The following DOCK11 variants were observed in gnomAD, a reference collection of about 807,000 sequenced individuals.
The protein encoded by DOCK11 is dedicator of cytokinesis protein 11.
A neutral mutation model predicts 169.1 loss-of-function variants in DOCK11; 70 were observed. The ratio of observed to expected loss-of-function variants is 0.41; its 90% CI spans 0.34 to 0.51. The LOEUF is 0.51. Among genes scored for constraint, DOCK11 ranks in the 20% least tolerant of loss-of-function variants. The probability of loss-of-function intolerance (pLI) is 0.10; values close to 1 mark genes in which losing one functional copy is unlikely to be tolerated. For missense variants in DOCK11, 1,166 were observed against 1,538.8 expected (o/e 0.76, Z 4.05); for synonymous variants, 529 against 541.3 (o/e 0.98, Z 0.32).
At chrX:118,674,064 A>G (rs921275476) in intron 46 of DOCK11, among the ~76,000 whole-genome samples, 4 of 111,836 alleles carry the variant, frequency 3.6e-5, no homozygotes, top group African/African-American at 1.3e-4. Context: ...AAAATCTCAA[A>G]CACTTCTGGT....
chrX:118,517,121 C>G (rs1488359824), intron 1 of DOCK11, among the ~76,000 whole-genome samples: 1 of 111,614 alleles, frequency 9.0e-6, no homozygotes, highest in Non-Finnish European at 1.9e-5. Context: ...CACACTGGCT[C>G]ACACCTGTAA....
At chrX:118,617,099 G>A (rs2014835956) in intron 30 of DOCK11, among the ~76,000 whole-genome samples, 3 of 111,792 alleles carry the variant, frequency 2.7e-5, no homozygotes, top group South Asian at 3.7e-4. Context: ...TGCTGAACAG[G>A]CCAAAAGAAA....
chrX:118,541,777 T>TTTC (rs1207281920), intron 1 of DOCK11, among the ~76,000 whole-genome samples: 1 of 112,238 alleles, frequency 8.9e-6, no homozygotes, highest in Non-Finnish European at 1.9e-5. Flanking sequence ...ACATCCTGGC[T>TTTC]TTCTTAGCAT....
chrX:118,677,033 T>C (rs2016627908), intron 48 of DOCK11, among the ~76,000 whole-genome samples: 1 of 111,700 alleles, frequency 9.0e-6, no homozygotes. Context: ...TTGTATGGAT[T>C]AAATGAGTTA....
chrX:118,600,466 T>C (rs1418150742), intron 23 of DOCK11, among the ~76,000 whole-genome samples: 1 of 109,732 alleles, frequency 9.1e-6, no homozygotes, highest in Non-Finnish European at 1.9e-5. Context: ...ATAGTAATCG[T>C]TCATGCCACA....
chrX:118,614,499 C>G (rs2014760653), intron 28 of DOCK11, among the ~76,000 whole-genome samples, 193 bp from the exon 29 acceptor site: 1 of 111,387 alleles, frequency 9.0e-6, no homozygotes, highest in African/African-American at 3.3e-5. Flanking sequence ...CCCTTCAGTC[C>G]CAATTCCAGT....
intron 1 of DOCK11, among the ~76,000 whole-genome samples, chrX:118,504,305 C>G (rs1327038072): frequency 1.8e-5 from 2 of 111,755 alleles, no homozygotes; most frequent in Non-Finnish European, 3.8e-5. Flanking sequence ...CACCCCCAAC[C>G]GGCTTTTTAT....
rs1219359959 is a variant in DOCK11 at position 118,584,790 on chromosome X, C to T, written c.1651C>T (p.Leu551=). 8.3e-7 allele frequency: 1 copy of T among 1,199,106 alleles called. No individual in the cohort carries two copies. The highest frequency in any genetic ancestry group is 1.7e-5 in the African/African-American group (1 of 57,511). The change falls in exon 15 of 53, where the codon CTG becomes TTG. Residue 551 remains leucine (L), a synonymous_variant. Transcript: ENST00000276202. The stretch of plus-strand genomic sequence containing the variant: ...TGATCTGGATGGGAGATTTTCTCCT[C>T]TGTATAAACAAGACAGTAGCAAGCT... ...SLDLDGRFSP[L]YKQDSSKLSS... is the part of the protein sequence containing the mutation.
chrX:118,528,233 A>G, intron 1 of DOCK11, among the ~76,000 whole-genome samples: 1 of 112,317 alleles, frequency 8.9e-6, no homozygotes, highest in Non-Finnish European at 1.9e-5. Context: ...CAGGGCTTGT[A>G]TCTATGTGAA....
chrX:118,546,778 G>A (rs1357761071), intron 6 of DOCK11, among the ~76,000 whole-genome samples: 1 of 110,850 alleles, frequency 9.0e-6, no homozygotes, highest in African/African-American at 3.3e-5. Context: ...TTGCTTGAGG[G>A]CAGGAGTTCG....
Position 118,566,804 on chromosome X carries a change from T to C in DOCK11, c.951+151T>C, listed in dbSNP as rs1330989795. The C allele has an allele frequency of 6.1e-6, 3 of 491,913 alleles. No homozygotes were observed. The East Asian group carries it at 1.2e-4, about 20-fold the overall frequency. 40.5% of individuals were successfully genotyped at this position (491,913 alleles called of 1,213,427 possible). A position where few individuals can be genotyped will look rare whatever the true frequency, so the allele number is the denominator to read the frequency against. Reference sequence around the variant, plus strand: ...CAGGTAGAGATTGTAAAAGAAAAGTTGCACTCCTGAAGACTAACTTGTAAG... The same window carrying C: ...CAGGTAGAGATTGTAAAAGAAAAGTCGCACTCCTGAAGACTAACTTGTAAG... On this transcript the variant is annotated intron_variant, in intron 9 of 52. Coordinates refer to ENST00000276202, the MANE Select transcript of DOCK11 (RefSeq NM_144658.4).
Position 118,592,602 on chromosome X carries a change from TG to T in DOCK11, c.2140-609del, listed in dbSNP as rs1004010274. ...CCAGGAGGCATTACAAACATTCGGT[TG>T]GGATCTGATTAGAAAATTACTTGTG... is the stretch of plus-strand genomic sequence containing the variant. On this transcript the variant is annotated intron_variant, in intron 19 of 52. Coordinates refer to ENST00000276202, the MANE Select transcript of DOCK11 (RefSeq NM_144658.4). Among the ~76,000 whole-genome samples, 3 of 112,205 alleles carry T rather than the reference TG, an allele frequency of 2.7e-5. No homozygotes were observed. The Admixed American group carries it at 2.8e-4, about 11-fold the overall frequency.
At chrX:118,672,198 A>G (rs901523780) in intron 46 of DOCK11, among the ~76,000 whole-genome samples, 6 of 112,132 alleles carry the variant, frequency 5.4e-5, no homozygotes, top group African/African-American at 1.9e-4. Flanking sequence ...TACCCCTATT[A>G]TGAGAATTTT....
intron 1 of DOCK11, among the ~76,000 whole-genome samples, chrX:118,532,006 G>A (rs1296282529): frequency 2.7e-5 from 3 of 110,980 alleles, no homozygotes; most frequent in Admixed American, 9.6e-5. Context: ...CTTTTAAATG[G>A]TATCTCTGGT....
chrX:118,657,335 G>C (rs1284376801), intron 44 of DOCK11, among the ~76,000 whole-genome samples: 1 of 111,033 alleles, frequency 9.0e-6, no homozygotes, highest in East Asian at 2.8e-4. Context: ...TGTTTTGAAT[G>C]TTAAAAAAAA....
Position 118,676,756 on chromosome X carries a change from G to A in DOCK11, c.5460+19G>A, listed in dbSNP as rs1445698035. 8.5e-7 allele frequency: 1 copy of A among 1,173,126 alleles called. No homozygotes were observed. ...AGACAAGGTAACACATACCCTACAT[G>A]TTGAAATCATTATTTGTTAGTTCCA... On this transcript the variant is annotated intron_variant, in intron 48 of 52. Transcript: ENST00000276202.
intron 1 of DOCK11, among the ~76,000 whole-genome samples, chrX:118,532,401 C>T (rs935573485): frequency 2.7e-5 from 3 of 110,965 alleles, no homozygotes; most frequent in South Asian, 3.8e-4. Context: ...GCCAATAGAA[C>T]GGTAAAATTC....
chrX:118,606,127 G>A (rs1603111301), intron 24 of DOCK11, among the ~76,000 whole-genome samples: 1 of 74,459 alleles, frequency 1.3e-5, no homozygotes, highest in Non-Finnish European at 2.4e-5. Context: ...CGCTCTTGTT[G>A]CCCCTGCTGG....
intron 1 of DOCK11, among the ~76,000 whole-genome samples, chrX:118,499,714 TGG>T (rs996209782): frequency 3.6e-5 from 4 of 112,136 alleles, no homozygotes; most frequent in African/African-American, 1.3e-4. Context: ...AGTTTCAACT[TGG>T]GCTTCTTGAC....
Sources: allele counts gnomAD v4.1 joint callset (sites outside exome capture counted in the v4.1 genomes callset), GRCh38; gene constraint gnomAD v4.1.1; transcripts MANE v1.5; gene names NCBI Gene and HGNC (gene_info 2026-07-23, HGNC 2026-07-21).